TTC13: variants seen among roughly 807,000 people sequenced by gnomAD.
The protein encoded by TTC13 is tetratricopeptide repeat protein 13.
In TTC13, 62 loss-of-function variants were observed where a neutral mutation model predicts 120.0. The ratio of observed to expected loss-of-function variants is 0.52; its 90% confidence interval spans 0.42 to 0.64. The LOEUF is 0.64. TTC13 is among the 30% of genes least tolerant of loss of function. TTC13 has a pLI of 0.00. For synonymous variants in TTC13, 384 were observed against 393.5 expected, an observed-to-expected ratio of 0.98 and a Z score of 0.28; for missense variants, 824 against 1,050.2, an observed-to-expected ratio of 0.78 and a Z score of 2.98.
chr1:230,921,038 T>C (rs969543424), intron 16 of TTC13, among the ~76,000 whole-genome samples: 1 of 152,258 alleles, frequency 6.6e-6, no homozygotes, highest in Non-Finnish European at 1.5e-5. Flanking sequence ...CTTGGTGATA[T>C]TTAAGCATTC....
intron 20 of TTC13, among the ~76,000 whole-genome samples, chr1:230,909,370 C>A (rs185340206): frequency 6.6e-6 from 1 of 152,166 alleles, no homozygotes; most frequent in Non-Finnish European, 1.5e-5. Context: ...GTGGCTCACA[C>A]CTGTAATCCC....
chr1:230,920,277 TCAA>T (rs1672454863), intron 17 of TTC13: 1 of 304,176 alleles, frequency 3.3e-6, no homozygotes, highest in Admixed American at 5.2e-5. Context: ...GAAGCAGAAT[TCAA>T]TTATATGTAT....
chr1:230,906,904 A>G lies in TTC13; in HGVS notation c.*1T>C. On this transcript the variant is annotated 3_prime_UTR_variant, in exon 23 of 23. Coordinates refer to ENST00000366661, the MANE Select transcript of TTC13 (RefSeq NM_024525.5). ...TTACTTGTATAAATACAGCAGCAGAACTAGAGTTTCTTAAGACAACGTGGA... is the reference window on the plus strand; with the variant it reads ...TTACTTGTATAAATACAGCAGCAGAGCTAGAGTTTCTTAAGACAACGTGGA... 1 of 1,463,618 alleles carries G rather than the reference A, an allele frequency of 6.8e-7. No individual in the cohort carries two copies. The highest frequency in any genetic ancestry group is 9.1e-7 in the Non-Finnish European group (1 of 1,098,800). 90.7% of individuals were successfully genotyped at this position (1,463,618 alleles called of 1,614,324 possible).
rs1038963973 is a variant in TTC13 at position 230,908,906 on chromosome 1, A to G, written c.2388+36T>C. ...AAATCCATAAATTGGGACTTAATAC[A>G]TAACCAAGCATTTCTCCCTTCCCGC... On this transcript the variant is annotated intron_variant, in intron 21 of 22. Transcript: ENST00000366661. The G allele has an allele frequency of 1.9e-6, 3 of 1,612,408 alleles. No homozygotes were observed. In the South Asian group the frequency reaches 3.3e-5, roughly 18 times the overall value.
In TTC13 at chr1:230,908,131, C is replaced by T. The variant is rs180846223; in HGVS notation, c.2468+581G>A. Among the ~76,000 whole-genome samples the T allele has an allele frequency of 1.3e-3, 198 of 152,324 alleles. 3 individuals are homozygous for T. Among genetic ancestry groups the T allele is most frequent in the Middle Eastern group, 6.8e-3 (2 of 294 alleles). ...TAAACAGGCCAAGAGAAGTGAATAC[C>T]TGATCATATAAATAAGACTTTGGTA... On this transcript the variant is annotated intron_variant, in intron 22 of 22. Transcript: ENST00000366661.
intron 18 of TTC13, among the ~76,000 whole-genome samples, 161 bp downstream of exon 18, chr1:230,916,032 A>G (rs1045594570): frequency 6.6e-6 from 1 of 152,122 alleles, no homozygotes; most frequent in African/African-American, 2.4e-5. Flanking sequence ...TAGATGTCAC[A>G]TTTTTTTAAA....
At chr1:230,921,377 AT>A in intron 16 of TTC13, 43 bp downstream of exon 16, 1 of 1,135,858 alleles carries the variant, frequency 8.8e-7, no homozygotes, top group South Asian at 1.3e-5. Flanking sequence ...TATAAAACAC[AT>A]GAAATCAACT....
intron 4 of TTC13, among the ~76,000 whole-genome samples, chr1:230,946,059 T>C (rs1674967882): frequency 6.6e-6 from 1 of 152,122 alleles, no homozygotes; most frequent in Non-Finnish European, 1.5e-5. Context: ...CCAGATGGGG[T>C]GGAGGAAACA....
chr1:230,936,656 C>A, intron 8 of TTC13: 1 of 144,336 alleles, frequency 6.9e-6, no homozygotes, highest in East Asian at 2.4e-4. Flanking sequence ...TGTAATATTG[C>A]CTAATATACT....
chr1:230,961,136 G>A lies in TTC13; in HGVS notation c.366+73C>T, dbSNP rs1558216463. 6.8e-5 allele frequency: 81 copies of A among 1,192,188 alleles called. No individual in the cohort carries two copies. In the South Asian group the frequency reaches 8.9e-4, roughly 13 times the overall value. The allele number at this position is 1,192,188 out of a possible 1,614,324, so 73.9% of individuals were successfully genotyped here. The stretch of plus-strand genomic sequence containing the variant: ...GGCCCAACTTCTAGTTGACAGAGGC[G>A]ACTTCCACTTTTTGGAACTAGTATC... On this transcript the variant is annotated intron_variant, in intron 2 of 22. Transcript: ENST00000366661.
At position 230,940,702 on chromosome 1, in the gene TTC13, G is replaced by T. The variant is rs559531106; in HGVS notation, c.673-146C>A. ...CAATCCTTGACCCCCTATATTATGC[G>T]GTGGGGTTCAAAGTCAACCAGCTGA... On this transcript the variant is annotated intron_variant, in intron 6 of 22. Coordinates refer to ENST00000366661, the MANE Select transcript of TTC13 (RefSeq NM_024525.5). The surrounding 1 kb of genome is among the most constrained non-coding windows in gnomAD (Gnocchi z 4.1). 13 of 582,070 alleles carry T rather than the reference G, an allele frequency of 2.2e-5. No individual in the cohort carries two copies. Among genetic ancestry groups the T allele is most frequent in the Admixed American group, 1.7e-4 (6 of 35,710 alleles). The allele number at this position is 582,070 out of a possible 1,614,324, so 36.1% of individuals were successfully genotyped here. A position where few individuals can be genotyped will look rare whatever the true frequency, so the allele number is the denominator to read the frequency against.
intron 1 of TTC13, among the ~76,000 whole-genome samples, chr1:230,966,391 G>A (rs925341201): frequency 2.6e-5 from 4 of 152,054 alleles, no homozygotes; most frequent in African/African-American, 9.7e-5. Context: ...AGATTAATAG[G>A]AGAAGAAATA....
chr1:230,948,574 C>A (rs548621492), intron 4 of TTC13, among the ~76,000 whole-genome samples: 1 of 151,916 alleles, frequency 6.6e-6, no homozygotes, highest in East Asian at 1.9e-4. Context: ...CTCACTACAG[C>A]CTCAAACTCC....
At chr1:230,925,058 A>T in intron 13 of TTC13, 85 bp from the exon 14 acceptor site, 4 of 1,507,490 alleles carry the variant, frequency 2.7e-6, no homozygotes, top group Non-Finnish European at 3.7e-6. Context: ...GTGATAACTC[A>T]AGAGTTAACA....
At position 230,942,694 on chromosome 1, in the gene TTC13, A is replaced by C. The variant is rs1674624752; in HGVS notation, c.672+1112T>G. On this transcript the variant is annotated intron_variant, in intron 6 of 22. Coordinates refer to ENST00000366661, the MANE Select transcript of TTC13 (RefSeq NM_024525.5). The surrounding 1 kb of genome is among the most constrained non-coding windows in gnomAD (Gnocchi z 4.0). ...TGAAGCCTAGATAGCTTATTATTTTAAGAAAGTAAAACAAACACATTTCAC... is the reference window on the plus strand; with the variant it reads ...TGAAGCCTAGATAGCTTATTATTTTCAGAAAGTAAAACAAACACATTTCAC... 6.6e-6 allele frequency among the ~76,000 whole-genome samples: 1 copy of C among 152,226 alleles called. No individual in the cohort carries two copies. Among genetic ancestry groups the C allele is most frequent in the African/African-American group, 2.4e-5 (1 of 41,460 alleles).
intron 1 of TTC13, among the ~76,000 whole-genome samples, chr1:230,965,652 G>A (rs1677054503): frequency 6.6e-6 from 1 of 152,198 alleles, no homozygotes; most frequent in Non-Finnish European, 1.5e-5. Context: ...TCAGTATATG[G>A]AAGAGATATC....
At chr1:230,951,818 ATAATT>A (rs1675614897) in intron 4 of TTC13, among the ~76,000 whole-genome samples, 1 of 152,358 alleles carries the variant, frequency 6.6e-6, no homozygotes, top group South Asian at 2.1e-4. Context: ...TTTAAAGAGA[ATAATT>A]TATGCAAATT....
At chr1:230,964,983 G>A (rs958462293) in intron 1 of TTC13, among the ~76,000 whole-genome samples, 1 of 152,074 alleles carries the variant, frequency 6.6e-6, no homozygotes, top group African/African-American at 2.4e-5. Flanking sequence ...AAATCTAAAT[G>A]GATTAAAGAC....
chr1:230,937,422 G>C (rs965825178), intron 8 of TTC13, among the ~76,000 whole-genome samples: 1 of 152,176 alleles, frequency 6.6e-6, no homozygotes, highest in South Asian at 2.1e-4. Flanking sequence ...GTAGAGTACC[G>C]AAGTTCTGAG....
Sources: allele counts gnomAD v4.1 joint callset (sites outside exome capture counted in the v4.1 genomes callset), GRCh38; gene constraint gnomAD v4.1.1; non-coding constraint Gnocchi (gnomAD v3.1); transcripts MANE v1.5; gene names NCBI Gene and HGNC (gene_info 2026-07-23, HGNC 2026-07-21).